ADAMTS3: variants seen among roughly 807,000 people sequenced by gnomAD.
The protein encoded by ADAMTS3 is ADAM metallopeptidase with thrombospondin type 1 motif 3.
Under a neutral mutation model 129.0 loss-of-function variants are expected in ADAMTS3, and 73 were observed. The observed-to-expected ratio is 0.57, with a 90% CI of 0.47 to 0.69. The LOEUF is 0.69. ADAMTS3 is among the 30% of genes least tolerant of loss of function. The pLI, the probability that ADAMTS3 is intolerant of heterozygous loss-of-function variation, is 0.00. For synonymous variants in ADAMTS3, 477 were observed against 510.8 expected (o/e 0.93, Z 0.89); for missense variants, 1,457 against 1,514.5 (o/e 0.96, Z 0.63).
At position 72,295,637 on chromosome 4, in the gene ADAMTS3, T is replaced by C. The variant is rs908810188; in HGVS notation, c.2723+17A>G. The C allele has an allele frequency of 6.2e-7, 1 of 1,600,784 alleles. No individual in the cohort carries two copies. The highest frequency in any genetic ancestry group is 1.3e-5 in the African/African-American group (1 of 74,250). The stretch of plus-strand genomic sequence containing the variant: ...TGATTTTGACCTCCAGATATGATAG[T>C]TAAAATAGATGCTTACAGTGGATGT... On this transcript the variant is annotated intron_variant, in intron 19 of 21. Coordinates refer to ENST00000286657, the MANE Select transcript of ADAMTS3 (RefSeq NM_014243.3).
intron 3 of ADAMTS3, among the ~76,000 whole-genome samples, chr4:72,438,735 A>C (rs1227102221): frequency 6.6e-6 from 1 of 151,738 alleles, no homozygotes; most frequent in Non-Finnish European, 1.5e-5. Flanking sequence ...ACACAGGATG[A>C]ACAACCTTCT....
At chr4:72,291,311 T>C (rs1036614741) in intron 19 of ADAMTS3, among the ~76,000 whole-genome samples, 4 of 152,044 alleles carry the variant, frequency 2.6e-5, no homozygotes, top group African/African-American at 9.7e-5. Flanking sequence ...GCAGGTTAGT[T>C]ACATATGTAT....
chr4:72,383,183 G>A (rs183073351), intron 4 of ADAMTS3, among the ~76,000 whole-genome samples: 1 of 150,948 alleles, frequency 6.6e-6, no homozygotes, highest in African/African-American at 2.4e-5. Flanking sequence ...GTTCACTTCT[G>A]GGATGGTTAA....
intron 2 of ADAMTS3, among the ~76,000 whole-genome samples, chr4:72,558,095 C>G (rs182134324): frequency 1.3e-5 from 2 of 151,908 alleles, no homozygotes; most frequent in Admixed American, 1.3e-4. Flanking sequence ...TCTCCAAGAG[C>G]AAAGCCTGGG....
chr4:72,361,737 T>C (rs1488666652), intron 4 of ADAMTS3, among the ~76,000 whole-genome samples: 4 of 152,094 alleles, frequency 2.6e-5, no homozygotes, highest in Non-Finnish European at 5.9e-5. Flanking sequence ...TCTGTATTTT[T>C]ATCCCAGTCA....
At chr4:72,395,869 C>T (rs916579854) in intron 4 of ADAMTS3, among the ~76,000 whole-genome samples, 1 of 152,000 alleles carries the variant, frequency 6.6e-6, no homozygotes, top group Non-Finnish European at 1.5e-5. Flanking sequence ...ACATGGTCCA[C>T]AACATTTGGT....
At chr4:72,539,717 T>C (rs1235568943) in intron 3 of ADAMTS3, among the ~76,000 whole-genome samples, 1 of 152,130 alleles carries the variant, frequency 6.6e-6, no homozygotes, top group Admixed American at 6.6e-5. Flanking sequence ...GGGTCTTTCC[T>C]GTGCTGTTCT....
chr4:72,505,196 A>AT (rs1190158446), intron 3 of ADAMTS3, among the ~76,000 whole-genome samples: 1 of 152,082 alleles, frequency 6.6e-6, no homozygotes, highest in African/African-American at 2.4e-5. Flanking sequence ...GGCAATTCTA[A>AT]TTTTTATAGT....
At chr4:72,450,362 T>A (rs1718363338) in intron 3 of ADAMTS3, among the ~76,000 whole-genome samples, 1 of 151,714 alleles carries the variant, frequency 6.6e-6, no homozygotes, top group Admixed American at 6.6e-5. Context: ...TGGAAGAGCA[T>A]GCAAGGCACC....
intron 3 of ADAMTS3, among the ~76,000 whole-genome samples, chr4:72,440,041 C>G (rs1479999301): frequency 6.6e-6 from 1 of 151,656 alleles, no homozygotes; most frequent in East Asian, 1.9e-4. Flanking sequence ...AGCTTTTCTA[C>G]TTCAAATAGG....
intron 3 of ADAMTS3, among the ~76,000 whole-genome samples, chr4:72,467,426 C>T (rs1308210721): frequency 6.6e-6 from 1 of 152,014 alleles, no homozygotes; most frequent in East Asian, 1.9e-4. Context: ...AAGTGAAAAC[C>T]TGCAAATGGC....
intron 4 of ADAMTS3, among the ~76,000 whole-genome samples, chr4:72,412,416 T>C (rs948106551): frequency 3.9e-5 from 6 of 152,052 alleles, no homozygotes; most frequent in Non-Finnish European, 7.4e-5. Flanking sequence ...TACAAAAATA[T>C]GTTCTTAATT....
intron 21 of ADAMTS3, 93 bp downstream of exon 21, chr4:72,288,658 A>C: frequency 7.3e-6 from 6 of 817,022 alleles, no homozygotes; most frequent in Non-Finnish European, 1.2e-5. Flanking sequence ...ATCAGTAAAC[A>C]AATATAAATT....
At chr4:72,500,547 T>C (rs1359106369) in intron 3 of ADAMTS3, among the ~76,000 whole-genome samples, 1 of 152,160 alleles carries the variant, frequency 6.6e-6, no homozygotes, top group Non-Finnish European at 1.5e-5. Context: ...CAAATACTTT[T>C]CCCATTCTGT....
At chr4:72,485,512 T>A (rs1012385989) in intron 3 of ADAMTS3, among the ~76,000 whole-genome samples, 3 of 150,806 alleles carry the variant, frequency 2.0e-5, no homozygotes, top group Admixed American at 2.0e-4. Flanking sequence ...AACAGGTTAT[T>A]TTTTTTTTAA....
chr4:72,425,538 T>A (rs897926827), intron 3 of ADAMTS3, among the ~76,000 whole-genome samples: 1 of 152,114 alleles, frequency 6.6e-6, no homozygotes, highest in Non-Finnish European at 1.5e-5. Context: ...CCTGTGTCCA[T>A]GTGTTCTCAT....
chr4:72,312,109 T>A (rs1430770106), intron 13 of ADAMTS3, 182 bp downstream of exon 13: 1 of 605,464 alleles, frequency 1.7e-6, no homozygotes, highest in Non-Finnish European at 2.9e-6. Flanking sequence ...GCACCATTCT[T>A]ACCTCTTTAG....
intron 3 of ADAMTS3, among the ~76,000 whole-genome samples, chr4:72,456,048 CTATA>C (rs371458911): frequency 6.3e-5 from 1 of 15,904 alleles, no homozygotes; most frequent in East Asian, 1.2e-3. Context: ...AGTATATATA[CTATA>C]TATATATTTT....
At chr4:72,431,090 G>A (rs1293816087) in intron 3 of ADAMTS3, among the ~76,000 whole-genome samples, 1 of 151,590 alleles carries the variant, frequency 6.6e-6, no homozygotes, top group Admixed American at 6.6e-5. Context: ...ATCAAACAAC[G>A]GAAAGCAAAG....
Sources: allele counts gnomAD v4.1 joint callset (sites outside exome capture counted in the v4.1 genomes callset), GRCh38; gene constraint gnomAD v4.1.1; transcripts MANE v1.5; gene names NCBI Gene and HGNC (gene_info 2026-07-23, HGNC 2026-07-21).